GLIS3: variants seen among roughly 807,000 people sequenced by gnomAD.
The protein encoded by GLIS3 is zinc finger protein GLIS3.
A neutral mutation model predicts 78.6 loss-of-function variants in GLIS3; 53 were observed. That is an observed-to-expected ratio of 0.67 (90% CI 0.54 to 0.85). GLIS3 has a LOEUF of 0.85. Ranked by LOEUF, GLIS3 falls within the 40% of genes least tolerant of loss-of-function variation. The probability of loss-of-function intolerance (pLI) is 0.00; values close to 1 mark genes in which losing one functional copy is unlikely to be tolerated. For synonymous variants in GLIS3, 684 were observed against 509.9 expected (o/e 1.34, Z -4.60); for missense variants, 1,703 against 1,231.1 (o/e 1.38, Z -5.74).
intron 2 of GLIS3, among the ~76,000 whole-genome samples, chr9:4,332,398 C>G (rs1204008606): frequency 6.6e-6 from 1 of 152,236 alleles, no homozygotes; most frequent in Non-Finnish European, 1.5e-5. Context: ...GGCTGCTCAA[C>G]TGGAGACTAA....
intron 9 of GLIS3, among the ~76,000 whole-genome samples, chr9:3,839,364 C>T (rs1438967317): frequency 6.6e-6 from 1 of 152,264 alleles, no homozygotes; most frequent in African/African-American, 2.4e-5. Flanking sequence ...CAATCTCCTA[C>T]TAAGTCCAGA....
At chr9:3,838,826 T>G (rs1818532355) in intron 9 of GLIS3, among the ~76,000 whole-genome samples, 2 of 152,202 alleles carry the variant, frequency 1.3e-5, no homozygotes, top group Admixed American at 6.5e-5. Context: ...TCGGGATATT[T>G]GTGGAGCCCT....
chr9:3,876,410 T>A (rs954776754), intron 8 of GLIS3, among the ~76,000 whole-genome samples: 45 of 151,654 alleles, frequency 3.0e-4, no homozygotes, highest in African/African-American at 1.0e-3. Flanking sequence ...TAGAAAACAT[T>A]ATTCACAAAA....
At chr9:3,907,551 G>A (rs1046740367) in intron 6 of GLIS3, among the ~76,000 whole-genome samples, 2 of 150,894 alleles carry the variant, frequency 1.3e-5, no homozygotes, top group East Asian at 1.9e-4. Flanking sequence ...TGGTGTGTCC[G>A]TGCCCCAGTT....
At chr9:4,235,385 G>A (rs1208549548) in intron 2 of GLIS3, among the ~76,000 whole-genome samples, 1 of 151,624 alleles carries the variant, frequency 6.6e-6, no homozygotes, top group Non-Finnish European at 1.5e-5. Context: ...CAGACAGAAG[G>A]CTCATGCATG....
chr9:4,441,802 T>G, the GLIS3 span, among the ~76,000 whole-genome samples: 1 of 152,138 alleles, frequency 6.6e-6, no homozygotes, highest in Non-Finnish European at 1.5e-5. Flanking sequence ...AGACGAGGTT[T>G]TGCCATTTGC....
chr9:4,032,914 C>A (rs1001542425), intron 4 of GLIS3, among the ~76,000 whole-genome samples: 9 of 151,424 alleles, frequency 5.9e-5, no homozygotes, highest in African/African-American at 2.2e-4. Context: ...AGTGCGGTGG[C>A]GCAATCTCGG....
At chr9:3,967,730 C>T (rs1818060212) in intron 4 of GLIS3, among the ~76,000 whole-genome samples, 1 of 152,122 alleles carries the variant, frequency 6.6e-6, no homozygotes, top group Admixed American at 6.5e-5. Context: ...TGCTAAGAGA[C>T]AAGTGCAATG....
chr9:4,208,482 T>C (rs1249277604), intron 2 of GLIS3, among the ~76,000 whole-genome samples: 1 of 152,186 alleles, frequency 6.6e-6, no homozygotes, highest in African/African-American at 2.4e-5. Flanking sequence ...TTGCTCAACA[T>C]GGTGTAACAT....
At chr9:4,475,873 A>C in the GLIS3 span, among the ~76,000 whole-genome samples, 10 of 152,162 alleles carry the variant, frequency 6.6e-5, no homozygotes, top group Non-Finnish European at 1.5e-4. Context: ...GTTGGATATT[A>C]ATGTGAGAAT....
chr9:3,992,576 C>T (rs1175520198), intron 4 of GLIS3, among the ~76,000 whole-genome samples: 1 of 152,154 alleles, frequency 6.6e-6, no homozygotes, highest in East Asian at 1.9e-4. Flanking sequence ...TCAATATGAA[C>T]AACTGTATTT....
intron 1 of GLIS3, among the ~76,000 whole-genome samples, chr9:4,296,903 C>CAAAAAA (rs71324297): frequency 1.8e-5 from 2 of 114,158 alleles, no homozygotes; most frequent in South Asian, 3.1e-4. Flanking sequence ...TTCTCAATTG[C>CAAAAAA]AAAAAAAAAA....
At chr9:4,230,611 G>C (rs751591) in intron 2 of GLIS3, among the ~76,000 whole-genome samples, 83,604 of 152,018 alleles carry the variant, frequency 0.55, 23,382 homozygotes, top group East Asian at 0.73. Flanking sequence ...ATGCATCTGT[G>C]ATACTGCCCA....
chr9:4,080,938 G>A (rs1828510094), intron 4 of GLIS3, among the ~76,000 whole-genome samples: 1 of 152,164 alleles, frequency 6.6e-6, no homozygotes, highest in East Asian at 1.9e-4. Flanking sequence ...AGGTGGGTCT[G>A]CTTACCACAG....
chr9:4,195,597 G>C (rs561609739), intron 2 of GLIS3, among the ~76,000 whole-genome samples: 2 of 152,238 alleles, frequency 1.3e-5, no homozygotes, highest in African/African-American at 4.8e-5. Flanking sequence ...GCTCCCACGC[G>C]GCCTGAGCCT....
chr9:4,164,480 T>C (rs1201662557), intron 2 of GLIS3, among the ~76,000 whole-genome samples: 2 of 152,096 alleles, frequency 1.3e-5, no homozygotes, highest in South Asian at 2.1e-4. Context: ...CTCCAGAGAG[T>C]AGCACGGAGA....
At chr9:4,238,860 TCTAA>T (rs1259058652) in intron 2 of GLIS3, among the ~76,000 whole-genome samples, 1 of 152,106 alleles carries the variant, frequency 6.6e-6, no homozygotes, top group Non-Finnish European at 1.5e-5. Context: ...AGAGATGGAC[TCTAA>T]CTACTAAGAC....
intron 4 of GLIS3, among the ~76,000 whole-genome samples, chr9:4,000,320 T>C (rs1821044422): frequency 6.6e-6 from 1 of 152,116 alleles, no homozygotes; most frequent in Non-Finnish European, 1.5e-5. Context: ...ATATGTGTGG[T>C]AAAACTTTAA....
intron 4 of GLIS3, among the ~76,000 whole-genome samples, chr9:4,025,651 G>C (rs947663182): frequency 6.6e-6 from 1 of 152,164 alleles, no homozygotes; most frequent in African/African-American, 2.4e-5. Flanking sequence ...CTCCCAAAAT[G>C]CTGGGATTAC....
Sources: allele counts gnomAD v4.1 joint callset (sites outside exome capture counted in the v4.1 genomes callset), GRCh38; gene constraint gnomAD v4.1.1; transcripts MANE v1.5; gene names NCBI Gene and HGNC (gene_info 2026-07-23, HGNC 2026-07-21).